STRN: variants seen among roughly 807,000 people sequenced by gnomAD.
STRN encodes protein phosphatase 2 regulatory subunit B'''alpha.
Under a neutral mutation model 96.3 loss-of-function variants are expected in STRN, and 53 were observed. That is an observed-to-expected ratio of 0.55 (90% CI 0.44 to 0.69). The LOEUF is 0.69. STRN is among the 30% of genes least tolerant of loss of function. STRN has a pLI of 0.00. For missense variants in STRN, 987 were observed against 963.9 expected (o/e 1.02, Z -0.32); for synonymous variants, 428 against 355.9 (o/e 1.20, Z -2.28).
chr2:36,932,406 C>T (rs1253883979), intron 1 of STRN, among the ~76,000 whole-genome samples: 4 of 152,068 alleles, frequency 2.6e-5, no homozygotes, highest in Admixed American at 6.6e-5. Flanking sequence ...CTGCCTGCCT[C>T]GGCCTCCCAA....
At chr2:36,877,827 A>T in intron 10 of STRN, 64 bp downstream of exon 10, 1 of 1,592,318 alleles carries the variant, frequency 6.3e-7, no homozygotes, top group Non-Finnish European at 8.5e-7. Flanking sequence ...GAGCCACCGC[A>T]CCCAGCCCAA....
intron 5 of STRN, among the ~76,000 whole-genome samples, 174 bp from the exon 6 acceptor site, chr2:36,899,832 A>C (rs1669637706): frequency 6.6e-6 from 1 of 152,200 alleles, no homozygotes; most frequent in African/African-American, 2.4e-5. Flanking sequence ...GCAATACAAG[A>C]AGTGGATACT....
intron 1 of STRN, among the ~76,000 whole-genome samples, chr2:36,951,706 A>G (rs1664755917): frequency 6.6e-6 from 1 of 152,214 alleles, no homozygotes; most frequent in South Asian, 2.1e-4. Flanking sequence ...CAGTCACTCT[A>G]CTGACCTTAG....
In STRN at chr2:36,857,791, T is replaced by C. The variant is rs930982296; in HGVS notation, c.1837+65A>G. The C allele has an allele frequency of 3.3e-5, 44 of 1,339,318 alleles. No homozygotes were observed. The Admixed American group carries it at 4.6e-4, about 14-fold the overall frequency. The allele number at this position is 1,339,318 out of a possible 1,614,324, so 83.0% of individuals were successfully genotyped here. ...AGAGTTCAGGGAATCATTTATCTGC[T>C]TGCTTATTTTCAGAATAAACTGTTT... On this transcript the variant is annotated intron_variant, in intron 14 of 17. Coordinates refer to ENST00000263918, the MANE Select transcript of STRN (RefSeq NM_003162.4).
intron 1 of STRN, among the ~76,000 whole-genome samples, chr2:36,928,423 G>A (rs1180086781): frequency 2.0e-5 from 3 of 152,080 alleles, no homozygotes; most frequent in Admixed American, 6.5e-5. Flanking sequence ...AGGCCGAGGC[G>A]GGGGGATCAC....
At chr2:36,905,258 T>C (rs1358723556) in intron 4 of STRN, among the ~76,000 whole-genome samples, 1 of 152,154 alleles carries the variant, frequency 6.6e-6, no homozygotes, top group Non-Finnish European at 1.5e-5. Flanking sequence ...TGTGAGCTAC[T>C]GCGCCTGGCC....
At chr2:36,924,044 G>T (rs1260362750) in intron 2 of STRN, among the ~76,000 whole-genome samples, 1 of 152,050 alleles carries the variant, frequency 6.6e-6, no homozygotes, top group African/African-American at 2.4e-5. Context: ...GCAGACAGCA[G>T]AGGAACAAAA....
chr2:36,921,941 C>T (rs1572676374), intron 2 of STRN, among the ~76,000 whole-genome samples: 1 of 152,090 alleles, frequency 6.6e-6, no homozygotes, highest in African/African-American at 2.4e-5. Flanking sequence ...ATAAAGATCA[C>T]TTTTAGAACA....
rs570133997 is a variant in STRN, at chr2:36,854,787, A to G, written c.1978+425T>C. Among the ~76,000 whole-genome samples, 9 of 152,284 alleles carry G rather than the reference A, an allele frequency of 5.9e-5. No individual in the cohort carries two copies. The South Asian group carries it at 1.9e-3, about 32-fold the overall frequency. ...TTCCTGACTTCCTGCATCCAATAAG[A>G]AGCTTCAGGTTTGGAATTCTGAGTG... On this transcript the variant is annotated intron_variant, in intron 15 of 17. Transcript: ENST00000263918.
rs754581676 is a variant in STRN, at chr2:36,893,868, T to A, written c.931+30A>T. ...ATTAATTTCTTTTATTTACTTAACA[T>A]CTCTGGTTGGATCCAGTATGCTTCC... On this transcript the variant is annotated intron_variant, in intron 7 of 17. Transcript: ENST00000263918. 1.7e-5 allele frequency: 26 copies of A among 1,575,212 alleles called. No homozygotes were observed. The South Asian group carries it at 2.7e-4, about 17-fold the overall frequency.
intron 6 of STRN, 94 bp downstream of exon 6, chr2:36,899,429 G>C (rs1669625806): frequency 1.7e-6 from 2 of 1,176,860 alleles, no homozygotes; most frequent in African/African-American, 3.2e-5. Flanking sequence ...AAAAGCTACG[G>C]GTTAAGATTA....
rs147907312 is a variant in STRN at position 36,872,068 on chromosome 2, C to A, written c.1324-2339G>T. The stretch of plus-strand genomic sequence containing the variant: ...AAAGAGCAATCAAATTCCTTCTGAA[C>A]GTCTTAATGTGGTAGGCAGCCACTA... On this transcript the variant is annotated intron_variant, in intron 10 of 17. Transcript: ENST00000263918. Among the ~76,000 whole-genome samples the A allele has an allele frequency of 3.9e-4, 59 of 152,288 alleles. No homozygotes were observed. The East Asian group carries it at 0.011, about 28-fold the overall frequency.
intron 3 of STRN, among the ~76,000 whole-genome samples, chr2:36,910,942 A>G (rs1370528740): frequency 6.6e-6 from 1 of 152,204 alleles, no homozygotes; most frequent in Admixed American, 6.5e-5. Flanking sequence ...ACAAAAAAAA[A>G]TTAGAAAGGA....
chr2:36,927,524 A>AGGGGGG (rs3080759), intron 1 of STRN, among the ~76,000 whole-genome samples: 3 of 79,588 alleles, frequency 3.8e-5, no homozygotes, highest in Non-Finnish European at 7.7e-5. Context: ...AACAAAAAAA[A>AGGGGGG]GGGGGGGGGG....
chr2:36,942,942 C>G (rs537744063), intron 1 of STRN, among the ~76,000 whole-genome samples: 1 of 152,060 alleles, frequency 6.6e-6, no homozygotes, highest in Non-Finnish European at 1.5e-5. Flanking sequence ...GGGATTTGCC[C>G]GCCTCGGCCT....
At position 36,966,112 on chromosome 2, in the gene STRN, G is replaced by C. The variant is rs1053021257; in HGVS notation, c.234+118C>G. On this transcript the variant is annotated intron_variant, in intron 1 of 17. Coordinates refer to ENST00000263918, the MANE Select transcript of STRN (RefSeq NM_003162.4). ...AGGGGACGGGGCTCCGGGTGGGATG[G>C]GCGGCAGCAAAGGGGGAGGGGACGC... 25 of 1,223,072 alleles carry C rather than the reference G, an allele frequency of 2.0e-5. No homozygotes were observed. The South Asian group carries it at 4.1e-4, about 20-fold the overall frequency. The allele number at this position is 1,223,072 out of a possible 1,614,324, so 75.8% of individuals were successfully genotyped here.
chr2:36,883,046 A>G lies in STRN; in HGVS notation c.1186+886T>C, dbSNP rs1401154932. 3.9e-5 allele frequency among the ~76,000 whole-genome samples: 6 copies of G among 152,354 alleles called. No homozygotes were observed. The East Asian group carries it at 9.6e-4, about 24-fold the overall frequency. ...CTACAATATAATATACAATCTTAAA[A>G]TTATCATTATGAAAATCATTTGTAT... On this transcript the variant is annotated intron_variant, in intron 9 of 17. Transcript: ENST00000263918.
At chr2:36,878,109 A>G (rs1355889597) in intron 9 of STRN, 82 bp from the exon 10 acceptor site, 11 of 1,491,884 alleles carry the variant, frequency 7.4e-6, no homozygotes, top group Admixed American at 5.6e-5. Context: ...CAAATTTCTT[A>G]TAAGTGCACG....
In STRN at chr2:36,846,740, A is replaced by G. The variant is rs549048137; in HGVS notation, c.*2716T>C. The G allele has an allele frequency of 1.3e-5, 2 of 152,014 alleles. No individual in the cohort carries two copies. The highest frequency in any genetic ancestry group is 2.4e-5 in the African/African-American group (1 of 41,402). 9.4% of individuals were successfully genotyped at this position (152,014 alleles called of 1,614,324 possible). A position where few individuals can be genotyped will look rare whatever the true frequency, so the allele number is the denominator to read the frequency against. ...CAATAGAAAAATACTGAAGGTCATT[A>G]TATCACTTTTGTTAAATAATCTGTC... On this transcript the variant is annotated 3_prime_UTR_variant, in exon 18 of 18. Transcript: ENST00000263918.
Sources: gnomAD v4.1 joint callset for allele counts (sites outside exome capture counted in the v4.1 genomes callset) on GRCh38, gnomAD v4.1.1 for gene constraint, MANE v1.5 for transcripts, NCBI Gene and HGNC (gene_info 2026-07-23, HGNC 2026-07-21) for gene names.